COL21A1: variants seen among roughly 807,000 people sequenced by gnomAD.
COL21A1 encodes the protein collagen alpha-1(XXI) chain.
A neutral mutation model predicts 137.9 loss-of-function variants in COL21A1; 149 were observed. The observed-to-expected ratio is 1.08, with a 90% confidence interval of 0.95 to 1.24. COL21A1 has a LOEUF of 1.24. Among genes scored for constraint, COL21A1 ranks in the 50% most tolerant of loss-of-function variants. COL21A1 has a pLI of 0.00. For synonymous variants in COL21A1, 456 were observed against 391.5 expected (o/e 1.16, Z -1.95); for missense variants, 1,167 against 1,158.4 (o/e 1.01, Z -0.11).
intron 1 of COL21A1, among the ~76,000 whole-genome samples, chr6:56,392,166 T>C (rs2094030946): frequency 6.6e-6 from 1 of 152,142 alleles, no homozygotes; most frequent in Non-Finnish European, 1.5e-5. Context: ...GTGGGATTCA[T>C]CCCATGGATG....
At chr6:56,112,792 C>A (rs781780075) in intron 16 of COL21A1, among the ~76,000 whole-genome samples, 2 of 149,050 alleles carry the variant, frequency 1.3e-5, no homozygotes, top group Admixed American at 6.8e-5. Flanking sequence ...TCAACCGATT[C>A]TCCTGCCTCA....
chr6:56,146,996 T>A (rs1774886008), intron 10 of COL21A1, among the ~76,000 whole-genome samples: 1 of 152,118 alleles, frequency 6.6e-6, no homozygotes, highest in African/African-American at 2.4e-5. Context: ...TGACAAATAA[T>A]CTCTGCAGAT....
At chr6:56,156,127 TC>T (rs1775725922) in intron 10 of COL21A1, among the ~76,000 whole-genome samples, 1 of 152,330 alleles carries the variant, frequency 6.6e-6, no homozygotes, top group Non-Finnish European at 1.5e-5. Flanking sequence ...TTTGAAAGCT[TC>T]CACAGATGTG....
At chr6:56,153,346 T>C (rs1775474238) in intron 10 of COL21A1, among the ~76,000 whole-genome samples, 1 of 152,160 alleles carries the variant, frequency 6.6e-6, no homozygotes, top group Non-Finnish European at 1.5e-5. Context: ...AGCTCTACTT[T>C]TCTAACTAGA....
chr6:56,211,261 T>A (rs1040864797), intron 1 of COL21A1, among the ~76,000 whole-genome samples: 6 of 143,480 alleles, frequency 4.2e-5, no homozygotes, highest in Non-Finnish European at 7.7e-5. Flanking sequence ...AATGAAAGGA[T>A]AGGCCACACA....
intron 1 of COL21A1, among the ~76,000 whole-genome samples, chr6:56,341,386 T>C (rs951888095): frequency 3.3e-5 from 5 of 152,070 alleles, no homozygotes; most frequent in African/African-American, 1.2e-4. Context: ...ATCCATACAA[T>C]GGAATATTAT....
intron 1 of COL21A1, among the ~76,000 whole-genome samples, chr6:56,276,313 G>A (rs545547240): frequency 6.6e-6 from 1 of 152,224 alleles, no homozygotes; most frequent in South Asian, 2.1e-4. Context: ...CCAAACCTCA[G>A]CATCATGCAA....
intron 1 of COL21A1, among the ~76,000 whole-genome samples, chr6:56,183,085 T>C (rs747146556): frequency 6.6e-6 from 1 of 152,200 alleles, no homozygotes; most frequent in Non-Finnish European, 1.5e-5. Context: ...GCTGATGGAA[T>C]TTAATTTTTA....
At chr6:56,201,734 A>C (rs752976772) in intron 1 of COL21A1, among the ~76,000 whole-genome samples, 1 of 152,180 alleles carries the variant, frequency 6.6e-6, no homozygotes, top group African/African-American at 2.4e-5. Flanking sequence ...TGGGTCTGAC[A>C]ATTAGTGAGC....
chr6:56,286,163 A>C (rs1356720956), intron 1 of COL21A1, among the ~76,000 whole-genome samples: 1 of 152,218 alleles, frequency 6.6e-6, no homozygotes, highest in Non-Finnish European at 1.5e-5. Flanking sequence ...AGGTTTAAAC[A>C]GGGCAAATTC....
At chr6:56,207,383 T>C (rs1393727521) in intron 1 of COL21A1, among the ~76,000 whole-genome samples, 1 of 152,110 alleles carries the variant, frequency 6.6e-6, no homozygotes, top group Non-Finnish European at 1.5e-5. Context: ...AAATACAAAC[T>C]ACCATCAGAG....
intron 1 of COL21A1, among the ~76,000 whole-genome samples, chr6:56,265,993 C>A (rs4715604): frequency 6.6e-6 from 1 of 152,222 alleles, no homozygotes; most frequent in Non-Finnish European, 1.5e-5. Flanking sequence ...CCCATGAACC[C>A]TGCCTCAGCA....
intron 1 of COL21A1, among the ~76,000 whole-genome samples, chr6:56,316,477 C>A (rs545599916): frequency 1.3e-4 from 10 of 75,786 alleles, no homozygotes; most frequent in South Asian, 1.4e-3. Context: ...TCTAAATAGA[C>A]TTTTTTTTTT....
At chr6:56,296,907 C>A (rs1764175493) in intron 1 of COL21A1, among the ~76,000 whole-genome samples, 1 of 151,910 alleles carries the variant, frequency 6.6e-6, no homozygotes, top group African/African-American at 2.4e-5. Flanking sequence ...GATTTTCTAA[C>A]CTCATATTCT....
chr6:56,203,996 G>A (rs1165421364), intron 1 of COL21A1, among the ~76,000 whole-genome samples: 1 of 152,146 alleles, frequency 6.6e-6, no homozygotes, highest in Non-Finnish European at 1.5e-5. Flanking sequence ...TCCCTCTGGT[G>A]CCTACACCAC....
intron 20 of COL21A1, among the ~76,000 whole-genome samples, chr6:56,072,155 G>A (rs865943890): frequency 1.6e-4 from 24 of 151,512 alleles, no homozygotes; most frequent in Admixed American, 8.6e-4. Flanking sequence ...ACATGACCTC[G>A]TTGTTTTTTA....
chr6:56,069,834 A>C (rs1766592665), intron 21 of COL21A1, among the ~76,000 whole-genome samples: 1 of 151,128 alleles, frequency 6.6e-6, no homozygotes. Flanking sequence ...TTGTTTTTAT[A>C]AAAAATATTG....
intron 17 of COL21A1, among the ~76,000 whole-genome samples, chr6:56,078,811 C>T (rs758052046): frequency 5.9e-5 from 9 of 151,514 alleles, no homozygotes; most frequent in Non-Finnish European, 1.2e-4. Flanking sequence ...GGTATGTGAG[C>T]AATGACTATC....
intron 1 of COL21A1, among the ~76,000 whole-genome samples, chr6:56,186,256 C>G (rs1016248677): frequency 1.1e-4 from 16 of 152,058 alleles, no homozygotes; most frequent in Non-Finnish European, 2.4e-4. Flanking sequence ...ATCACATGAA[C>G]ATCTCAATTT....
Sources: allele counts gnomAD v4.1 joint callset (sites outside exome capture counted in the v4.1 genomes callset), GRCh38; gene constraint gnomAD v4.1.1; transcripts MANE v1.5; gene names NCBI Gene and HGNC (gene_info 2026-07-23, HGNC 2026-07-21).